The following MGST2 variants were observed in gnomAD, a reference collection of about 807,000 sequenced individuals.
MGST2 encodes the protein glutathione peroxidase MGST2.
MGST2 carries 9 observed loss-of-function variants against 16.6 expected under a neutral mutation model. That is an observed-to-expected ratio of 0.54 (90% CI 0.33 to 0.95). MGST2 has a LOEUF of 0.95. Among genes scored for constraint, MGST2 ranks in the 40% least tolerant of loss-of-function variants. The pLI is 0.03. For synonymous variants in MGST2, 79 were observed against 68.0 expected (o/e 1.16, Z -0.79); for missense variants, 159 against 175.1 (o/e 0.91, Z 0.52).
At chr4:139,677,334 A>C (rs1485701591) in intron 1 of MGST2, among the ~76,000 whole-genome samples, 1 of 152,220 alleles carries the variant, frequency 6.6e-6, no homozygotes, top group African/African-American at 2.4e-5. Flanking sequence ...GGGACATGAG[A>C]CATCAATCAG....
intron 5 of MGST2, among the ~76,000 whole-genome samples, chr4:139,732,649 T>A (rs182540733): frequency 3.3e-5 from 5 of 151,756 alleles, no homozygotes; most frequent in Admixed American, 2.0e-4. Flanking sequence ...AAAAAAAAAA[T>A]TTCCATAAGT....
At chr4:139,739,739 AAGC>A (rs1283500288) in intron 5 of MGST2, among the ~76,000 whole-genome samples, 1 of 149,954 alleles carries the variant, frequency 6.7e-6, no homozygotes, top group Non-Finnish European at 1.5e-5. Flanking sequence ...AAAAAGAAAA[AAGC>A]AGTTTCTAAA....
the MGST2 span, among the ~76,000 whole-genome samples, chr4:139,750,016 A>T: frequency 3.9e-5 from 6 of 152,276 alleles, no homozygotes; most frequent in African/African-American, 1.4e-4. Context: ...CACTAGAGTG[A>T]CAGTGAATTT....
At chr4:139,672,206 C>G (rs8192035) in intron 1 of MGST2, among the ~76,000 whole-genome samples, 1 of 152,176 alleles carries the variant, frequency 6.6e-6, no homozygotes, top group Non-Finnish European at 1.5e-5. Flanking sequence ...TTGCTTACTC[C>G]CAGCCTCATT....
intron 5 of MGST2, chr4:139,719,977 C>T (rs1236143502): frequency 6.2e-7 from 1 of 1,614,070 alleles, no homozygotes. Context: ...TGGCTGAGTT[C>T]ACCAGCATGC....
chr4:139,722,159 T>G (rs1728263218), intron 5 of MGST2, among the ~76,000 whole-genome samples: 1 of 152,200 alleles, frequency 6.6e-6, no homozygotes, highest in Non-Finnish European at 1.5e-5. Flanking sequence ...GTTCCTTTCT[T>G]TAGAGGGCAG....
intron 3 of MGST2, 135 bp from the exon 4 acceptor site, chr4:139,703,320 A>G: frequency 4.0e-6 from 3 of 756,990 alleles, no homozygotes; most frequent in Non-Finnish European, 6.8e-6. Flanking sequence ...TCCTATGTGG[A>G]TTCTCTCTAT....
chr4:139,750,908 C>T, the MGST2 span, among the ~76,000 whole-genome samples: 24 of 152,316 alleles, frequency 1.6e-4, no homozygotes, highest in East Asian at 4.4e-3. Flanking sequence ...CTGACTTAGG[C>T]CTCAGTTGAA....
chr4:139,737,179 A>C (rs898849003), intron 5 of MGST2, among the ~76,000 whole-genome samples: 44 of 152,298 alleles, frequency 2.9e-4, no homozygotes, highest in Middle Eastern at 3.4e-3. Flanking sequence ...AACTATGGAA[A>C]GCTATGATTT....
chr4:139,703,013 C>T (rs1727357267), intron 3 of MGST2, among the ~76,000 whole-genome samples: 2 of 151,792 alleles, frequency 1.3e-5, no homozygotes, highest in Admixed American at 6.6e-5. Context: ...GCAACCTCCA[C>T]CTCCTGGGTT....
chr4:139,672,634 T>C (rs1180992783), intron 1 of MGST2, among the ~76,000 whole-genome samples: 1 of 151,180 alleles, frequency 6.6e-6, no homozygotes, highest in Non-Finnish European at 1.5e-5. Context: ...CACTGCAACC[T>C]CCGCCTCCTG....
chr4:139,742,144 CTTTTCTTT>C (rs760471129), downstream of MGST2, among the ~76,000 whole-genome samples: 8,048 of 128,486 alleles, frequency 0.063, 351 homozygotes, highest in Admixed American at 0.16. Context: ...CTTTTCTTTT[CTTTTCTTT>C]TTTTTTTTTT....
At chr4:139,667,501 G>A (rs1394877419) in intron 1 of MGST2, among the ~76,000 whole-genome samples, 4 of 151,584 alleles carry the variant, frequency 2.6e-5, no homozygotes, top group Admixed American at 2.6e-4. Flanking sequence ...GTGGGGGTAG[G>A]GGTGGGGAGA....
intron 5 of MGST2, among the ~76,000 whole-genome samples, chr4:139,709,588 A>G (rs993658504): frequency 1.8e-4 from 28 of 152,224 alleles, no homozygotes; most frequent in African/African-American, 6.8e-4. Context: ...CATTTATGGC[A>G]AAGTGTTAAT....
At chr4:139,727,447 G>A (rs929720166) in intron 5 of MGST2, among the ~76,000 whole-genome samples, 1 of 152,230 alleles carries the variant, frequency 6.6e-6, no homozygotes, top group Admixed American at 6.5e-5. Context: ...GCCCCTGGCA[G>A]CCTGTGGGGG....
intron 1 of MGST2, among the ~76,000 whole-genome samples, chr4:139,667,872 A>T (rs1461176075): frequency 6.6e-6 from 1 of 152,114 alleles, no homozygotes; most frequent in African/African-American, 2.4e-5. Context: ...AAAAAAAAAG[A>T]TGTTGATGAA....
At chr4:139,719,181 A>T in intron 5 of MGST2, 1 of 928,024 alleles carries the variant, frequency 1.1e-6, no homozygotes, top group Non-Finnish European at 1.6e-6. Context: ...TGGCACCTGG[A>T]TCTTCCATTG....
At position 139,719,266 on chromosome 4, in the gene MGST2, C is replaced by A. The variant is rs921475234; in HGVS notation, c.*48+15070C>A. 62 of 1,510,018 alleles carry A rather than the reference C, an allele frequency of 4.1e-5. No homozygotes were observed. The African/African-American group carries it at 7.8e-4, about 19-fold the overall frequency. 93.5% of individuals were successfully genotyped at this position (1,510,018 alleles called of 1,614,324 possible). On this transcript the variant is annotated intron_variant, in intron 5 of 5. Transcript: ENST00000616265. ...ACAAGGATGGGTCAACATCCTGTTT[C>A]TTTTTCACTTTTTAAGCTTTAACCA...
chr4:139,733,126 A>C (rs1040030550), intron 5 of MGST2, among the ~76,000 whole-genome samples: 1 of 152,256 alleles, frequency 6.6e-6, no homozygotes, highest in African/African-American at 2.4e-5. Context: ...CTTTAGGGAC[A>C]AATGGCTGAT....
Sources: gnomAD v4.1 joint callset for allele counts (sites outside exome capture counted in the v4.1 genomes callset) on GRCh38, gnomAD v4.1.1 for gene constraint, MANE v1.5 for transcripts, NCBI Gene and HGNC (gene_info 2026-07-23, HGNC 2026-07-21) for gene names.